The following EFCAB11 variants were observed in gnomAD, a reference collection of about 807,000 sequenced individuals.
The protein encoded by EFCAB11 is EF-hand calcium binding domain 11.
In EFCAB11, 14 loss-of-function variants were observed where a neutral mutation model predicts 23.0. The ratio of observed to expected loss-of-function variants is 0.61; its 90% CI spans 0.40 to 0.95. The LOEUF (loss-of-function observed/expected upper bound fraction) is 0.95. EFCAB11 is among the 40% of genes least tolerant of loss of function. The pLI is 0.00. For synonymous variants in EFCAB11, 65 were observed against 66.6 expected (o/e 0.98, Z 0.11); for missense variants, 198 against 195.8 (o/e 1.01, Z -0.07).
rs542145518 is a variant in EFCAB11 at position 89,931,454 on chromosome 14, T to A, written c.410+87A>T. The A allele has an allele frequency of 9.0e-6, 11 of 1,223,226 alleles. No individual in the cohort carries two copies. The East Asian group carries it at 2.1e-4, about 24-fold the overall frequency. 75.8% of individuals were successfully genotyped at this position (1,223,226 alleles called of 1,614,324 possible). A position where few individuals can be genotyped will look rare whatever the true frequency, so the allele number is the denominator to read the frequency against. On this transcript the variant is annotated intron_variant, in intron 5 of 5. Transcript: ENST00000316738. ...AATGTTCCAGACTCAAAAATCAGAA[T>A]AAATAAGTTCTTTCCATAAAGTCAA...
At chr14:89,947,067 T>C (rs1891012044) in intron 3 of EFCAB11, among the ~76,000 whole-genome samples, 2 of 152,164 alleles carry the variant, frequency 1.3e-5, no homozygotes, top group African/African-American at 4.8e-5. Context: ...ATAAGCATAT[T>C]TTGGTTATAT....
intron 5 of EFCAB11, among the ~76,000 whole-genome samples, chr14:89,900,364 CA>C (rs1889302932): frequency 1.3e-5 from 2 of 152,150 alleles, no homozygotes; most frequent in South Asian, 2.1e-4. Flanking sequence ...CAGGGCTACC[CA>C]GGGGGCTTTA....
At chr14:89,937,743 C>G (rs1434891402) in intron 3 of EFCAB11, among the ~76,000 whole-genome samples, 2 of 152,118 alleles carry the variant, frequency 1.3e-5, no homozygotes, top group Non-Finnish European at 2.9e-5. Flanking sequence ...CCAGGCTGGT[C>G]TCGAACTCCC....
chr14:89,926,872 G>A (rs1299723235), intron 5 of EFCAB11, among the ~76,000 whole-genome samples: 1 of 152,170 alleles, frequency 6.6e-6, no homozygotes, highest in Non-Finnish European at 1.5e-5. Flanking sequence ...AAAAGGCCTG[G>A]AGGTGAGCTT....
chr14:89,933,952 T>A (rs1329259495), intron 3 of EFCAB11, among the ~76,000 whole-genome samples: 1 of 152,176 alleles, frequency 6.6e-6, no homozygotes, highest in Non-Finnish European at 1.5e-5. Context: ...AGAGCATTGC[T>A]GGCAGTAGGA....
chr14:89,907,787 T>G (rs1889544166), intron 5 of EFCAB11, among the ~76,000 whole-genome samples: 1 of 152,190 alleles, frequency 6.6e-6, no homozygotes, highest in South Asian at 2.1e-4. Context: ...GTGTTTCCAA[T>G]GTGGAGTCAG....
chr14:89,911,655 A>C (rs1354181300), intron 5 of EFCAB11, among the ~76,000 whole-genome samples: 2 of 152,246 alleles, frequency 1.3e-5, no homozygotes, highest in Non-Finnish European at 2.9e-5. Flanking sequence ...AAACAAGTCC[A>C]TGTAGCCCAA....
At chr14:89,952,316 C>G in intron 2 of EFCAB11, 1 of 788,366 alleles carries the variant, frequency 1.3e-6, no homozygotes, top group Non-Finnish European at 1.5e-6. Context: ...CTGTATCTGT[C>G]ATTAAATTCC....
intron 3 of EFCAB11, among the ~76,000 whole-genome samples, chr14:89,933,713 C>T (rs1890478807): frequency 6.6e-6 from 1 of 152,142 alleles, no homozygotes; most frequent in South Asian, 2.1e-4. Flanking sequence ...CCCAAGGGAG[C>T]TACTGATCTG....
intron 5 of EFCAB11, chr14:89,924,408 C>T (rs1890122825): frequency 7.6e-7 from 1 of 1,310,308 alleles, no homozygotes; most frequent in African/African-American, 1.5e-5. Context: ...GGGCATGGAC[C>T]TTATGCACAT....
At position 89,918,777 on chromosome 14, in the gene EFCAB11, T is replaced by C. The variant is rs559246576; in HGVS notation, c.410+12764A>G. The stretch of plus-strand genomic sequence containing the variant: ...ACTCTAATGAGCTGGCTTGGGGTAT[T>C]GTACTGAGAAGAACTCTGAGTTCTG... On this transcript the variant is annotated intron_variant, in intron 5 of 5. Transcript: ENST00000316738. 2.6e-5 allele frequency among the ~76,000 whole-genome samples: 4 copies of C among 151,744 alleles called. No homozygotes were observed. In the South Asian group the frequency reaches 6.3e-4, roughly 24 times the overall value.
At chr14:89,909,333 T>A (rs1026998265) in intron 5 of EFCAB11, among the ~76,000 whole-genome samples, 19 of 152,192 alleles carry the variant, frequency 1.2e-4, no homozygotes, top group African/African-American at 4.3e-4. Context: ...ATCCCAGCAC[T>A]TTGGGAGGCC....
chr14:89,851,906 G>A (rs1218248265), intron 5 of EFCAB11, among the ~76,000 whole-genome samples: 3 of 152,178 alleles, frequency 2.0e-5, no homozygotes, highest in Admixed American at 6.5e-5. Context: ...CATAGGGCAC[G>A]AAAGGAAGAT....
intron 5 of EFCAB11, 162 bp downstream of exon 5, chr14:89,931,379 G>A (rs1890383711): frequency 3.0e-6 from 2 of 659,650 alleles, no homozygotes; most frequent in Non-Finnish European, 5.1e-6. Context: ...AGGACCCATA[G>A]CTAACTATAG....
intron 5 of EFCAB11, among the ~76,000 whole-genome samples, chr14:89,832,747 T>C (rs1886926304): frequency 6.6e-6 from 1 of 152,220 alleles, no homozygotes; most frequent in South Asian, 2.1e-4. Context: ...TATAATAAAG[T>C]GTAGAATCTC....
At chr14:89,908,596 C>T (rs1889567663) in intron 5 of EFCAB11, among the ~76,000 whole-genome samples, 1 of 152,092 alleles carries the variant, frequency 6.6e-6, no homozygotes, top group African/African-American at 2.4e-5. Flanking sequence ...TATGTTATCT[C>T]ATTATGATAT....
intron 5 of EFCAB11, among the ~76,000 whole-genome samples, chr14:89,845,563 T>G (rs1887405603): frequency 1.3e-5 from 2 of 152,164 alleles, no homozygotes; most frequent in South Asian, 4.1e-4. Context: ...CCTCTGGTAT[T>G]TCCAAGAATC....
intron 5 of EFCAB11, among the ~76,000 whole-genome samples, chr14:89,896,959 T>C: frequency 6.6e-6 from 1 of 152,176 alleles, no homozygotes; most frequent in East Asian, 1.9e-4. Context: ...ACTCCTGGCC[T>C]TGACAGGTCC....
At chr14:89,936,471 T>C (rs1890586151) in intron 3 of EFCAB11, among the ~76,000 whole-genome samples, 1 of 152,172 alleles carries the variant, frequency 6.6e-6, no homozygotes, top group Non-Finnish European at 1.5e-5. Context: ...GGAAAACCCA[T>C]CCAATAACAA....
Sources: gnomAD v4.1 joint callset for allele counts (sites outside exome capture counted in the v4.1 genomes callset) on GRCh38, gnomAD v4.1.1 for gene constraint, MANE v1.5 for transcripts, NCBI Gene and HGNC (gene_info 2026-07-23, HGNC 2026-07-21) for gene names.